The following OR4F16 variants were observed in gnomAD, a reference collection of about 807,000 sequenced individuals.
The protein encoded by OR4F16 is olfactory receptor family 4 subfamily F member 16.
upstream of OR4F16, among the ~76,000 whole-genome samples, chr1:691,568 T>TA (rs1488867411): frequency 2.1e-5 from 3 of 140,476 alleles, no homozygotes; most frequent in African/African-American, 8.0e-5. Context: ...AAATGTCTTT[T>TA]ATGACCACTT....
At chr1:701,349 A>G in the OR4F16 span, among the ~76,000 whole-genome samples, 1 of 149,982 alleles carries the variant, frequency 6.7e-6, no homozygotes, top group East Asian at 2.0e-4. Context: ...GGAATGATAT[A>G]AAAAATAGGA....
At chr1:713,547 G>C in the OR4F16 span, among the ~76,000 whole-genome samples, 1 of 135,270 alleles carries the variant, frequency 7.4e-6, no homozygotes, top group African/African-American at 3.5e-5. Context: ...AGCCACCATA[G>C]TCTCTCCCAT....
the OR4F16 span, among the ~76,000 whole-genome samples, chr1:680,539 CAGAG>C: frequency 2.3e-5 from 1 of 44,292 alleles, no homozygotes; most frequent in Admixed American, 2.6e-4. Context: ...AACAGACAAA[CAGAG>C]AGCCAAATCA....
chr1:712,303 G>A, the OR4F16 span, among the ~76,000 whole-genome samples: 2 of 88,108 alleles, frequency 2.3e-5, no homozygotes, highest in Non-Finnish European at 4.7e-5. Flanking sequence ...TCAGCTCACC[G>A]CAAGCTCCGT....
the OR4F16 span, chr1:702,380 C>A: frequency 7.3e-5 from 11 of 150,962 alleles, no homozygotes; most frequent in African/African-American, 2.4e-4. Context: ...CCACCGCCAT[C>A]ATTTTGCAAG....
At chr1:713,798 ACC>A in the OR4F16 span, among the ~76,000 whole-genome samples, 1 of 73,294 alleles carries the variant, frequency 1.4e-5, no homozygotes, top group Non-Finnish European at 2.8e-5. Flanking sequence ...CTTCTCTTTT[ACC>A]CTTCTTTCTT....
the OR4F16 span, chr1:702,435 ATGATTTCTTTGTATTCCTAATTG>A: frequency 6.8e-6 from 1 of 146,016 alleles, no homozygotes; most frequent in Non-Finnish European, 1.5e-5. Flanking sequence ...ATTCCTAATT[ATGATTTCTTTGTATTCCTAATTG>A]TAATAGCTTT....
At chr1:701,868 G>A in the OR4F16 span, 8 of 151,816 alleles carry the variant, frequency 5.3e-5, no homozygotes, top group African/African-American at 1.9e-4. Context: ...ATAACCCCCT[G>A]TGACACCAGT....
At chr1:713,342 T>C in the OR4F16 span, among the ~76,000 whole-genome samples, 2 of 56,420 alleles carry the variant, frequency 3.5e-5, no homozygotes, top group African/African-American at 2.3e-4. Context: ...CAGAGAACTA[T>C]ATTTAAAGGG....
the OR4F16 span, chr1:711,926 G>GA: frequency 2.3e-5 from 2 of 86,836 alleles, no homozygotes; most frequent in African/African-American, 8.9e-5. Flanking sequence ...GGATCAGCTA[G>GA]AAAAAAATTA....
the OR4F16 span, among the ~76,000 whole-genome samples, chr1:712,634 GAAT>G: frequency 1.3e-4 from 19 of 147,552 alleles, no homozygotes; most frequent in African/African-American, 3.9e-4. Context: ...AAATATAAAG[GAAT>G]AATATAATAA....
chr1:690,930 G>C (rs1350225418), upstream of OR4F16, among the ~76,000 whole-genome samples: 2 of 147,800 alleles, frequency 1.4e-5, no homozygotes, highest in South Asian at 2.1e-4. Flanking sequence ...ACAAAGAAAA[G>C]ATAAATATTC....
the OR4F16 span, among the ~76,000 whole-genome samples, chr1:717,237 A>C: frequency 4.0e-5 from 6 of 151,146 alleles, no homozygotes. Flanking sequence ...GAGAATGTTG[A>C]AAACTCAGAG....
chr1:717,144 A>G, the OR4F16 span, among the ~76,000 whole-genome samples: 1 of 146,214 alleles, frequency 6.8e-6, no homozygotes, highest in Non-Finnish European at 1.5e-5. Context: ...TGGGCATTGT[A>G]TACATGTATC....
chr1:680,113 A>AC, the OR4F16 span, among the ~76,000 whole-genome samples: 3 of 112,382 alleles, frequency 2.7e-5, no homozygotes, highest in South Asian at 6.9e-4. Flanking sequence ...AATGGCAAAA[A>AC]CCACATGCTT....
chr1:718,138 A>T, the OR4F16 span, among the ~76,000 whole-genome samples: 4 of 7,202 alleles, frequency 5.6e-4, 2 homozygotes, highest in East Asian at 5.2e-3. Flanking sequence ...AAATTATAAA[A>T]AGTAAAAATA....
chr1:713,773 TAA>T, the OR4F16 span, among the ~76,000 whole-genome samples: 11 of 52,872 alleles, frequency 2.1e-4, no homozygotes, highest in Non-Finnish European at 4.0e-4. Flanking sequence ...CATTTAATGA[TAA>T]GACCACTACT....
the OR4F16 span, among the ~76,000 whole-genome samples, chr1:701,761 G>T: frequency 6.6e-6 from 1 of 150,528 alleles, no homozygotes; most frequent in Non-Finnish European, 1.5e-5. Flanking sequence ...AGACACTGGG[G>T]TCTACTTGAG....
the OR4F16 span, among the ~76,000 whole-genome samples, chr1:715,793 C>A: frequency 3.4e-5 from 5 of 149,040 alleles, no homozygotes; most frequent in Non-Finnish European, 7.4e-5. Context: ...GATTGCACCA[C>A]TGCACTCAAG....
Sources: allele counts gnomAD v4.1 joint callset (sites outside exome capture counted in the v4.1 genomes callset), GRCh38; gene constraint gnomAD v4.1.1; transcripts MANE v1.5; gene names NCBI Gene and HGNC (gene_info 2026-07-23, HGNC 2026-07-21).